Variants in GNB4 observed in about 807,000 individuals in gnomAD.
GNB4 encodes G protein subunit beta 4, also known as guanine nucleotide-binding protein subunit beta-4.
A neutral mutation model predicts 45.2 loss-of-function variants in GNB4; 28 were observed. The observed-to-expected ratio is 0.62, with a 90% CI of 0.46 to 0.85. The LOEUF is 0.85. Among genes scored for constraint, GNB4 ranks in the 40% least tolerant of loss-of-function variants. GNB4 has a pLI of 0.00. For missense variants in GNB4, 321 were observed against 425.4 expected (o/e 0.75, Z 2.16); for synonymous variants, 132 against 143.7 (o/e 0.92, Z 0.58).
chr3:179,416,400 CA>C, intron 5 of GNB4, 92 bp downstream of exon 5: 1 of 691,060 alleles, frequency 1.4e-6, no homozygotes. Flanking sequence ...TCTCAGAAAG[CA>C]ATTTAAGTTT....
chr3:179,409,527 A>G (rs891116945), intron 8 of GNB4, among the ~76,000 whole-genome samples: 164 of 151,384 alleles, frequency 1.1e-3, no homozygotes, highest in Non-Finnish European at 2.0e-3. Flanking sequence ...ACAAAAAAAA[A>G]AAGGCCAGGG....
At chr3:179,517,354 G>A in the GNB4 span, among the ~76,000 whole-genome samples, 1 of 150,672 alleles carries the variant, frequency 6.6e-6, no homozygotes, top group African/African-American at 2.5e-5. Flanking sequence ...CTTATAAAAC[G>A]GCCCCACCCC....
chr3:179,489,019 A>AATATATATATAT, the GNB4 span, among the ~76,000 whole-genome samples: 42 of 21,370 alleles, frequency 2.0e-3, no homozygotes, highest in African/African-American at 7.3e-3. Flanking sequence ...AAAAAAAAAA[A>AATATATATATAT]ATATATATAT....
chr3:179,488,476 C>T, the GNB4 span, among the ~76,000 whole-genome samples: 2 of 152,152 alleles, frequency 1.3e-5, no homozygotes, highest in Admixed American at 1.3e-4. Flanking sequence ...GAAGTACCTG[C>T]TTCCAGCTTC....
At chr3:179,503,353 T>TA in the GNB4 span, among the ~76,000 whole-genome samples, 1 of 152,340 alleles carries the variant, frequency 6.6e-6, no homozygotes, top group East Asian at 1.9e-4. Context: ...ATAATGCAGA[T>TA]ACAGCAAAAT....
intron 1 of GNB4, among the ~76,000 whole-genome samples, chr3:179,440,876 T>TAGAGAGAGAGAGAGAGAGAGAG (rs1358506608): frequency 9.0e-6 from 1 of 110,716 alleles, no homozygotes; most frequent in African/African-American, 4.3e-5. Flanking sequence ...TATATATAGA[T>TAGAGAGAGAGAGAGAGAGAGAG]AGATAGAGAG....
upstream of GNB4, among the ~76,000 whole-genome samples, chr3:179,453,476 C>T (rs1715934614): frequency 6.6e-6 from 1 of 152,080 alleles, no homozygotes; most frequent in Non-Finnish European, 1.5e-5. Context: ...TAGCATTTAC[C>T]AGATGTTATA....
At chr3:179,437,108 A>G (rs894642171) in intron 1 of GNB4, among the ~76,000 whole-genome samples, 41 of 152,152 alleles carry the variant, frequency 2.7e-4, no homozygotes, top group African/African-American at 9.4e-4. Context: ...ACAGGCCCAT[A>G]ATCCATTACC....
At chr3:179,523,180 T>C in the GNB4 span, among the ~76,000 whole-genome samples, 1 of 152,160 alleles carries the variant, frequency 6.6e-6, no homozygotes, top group African/African-American at 2.4e-5. Context: ...CCGGACACTA[T>C]CAGCAGGGAG....
At chr3:179,407,407 C>T (rs1044450635) in intron 8 of GNB4, among the ~76,000 whole-genome samples, 1 of 152,070 alleles carries the variant, frequency 6.6e-6, no homozygotes, top group Non-Finnish European at 1.5e-5. Context: ...TGCAGTGAGC[C>T]GAGATCATGC....
At chr3:179,410,230 CAAGT>C (rs1423090211) in intron 8 of GNB4, 1 of 151,950 alleles carries the variant, frequency 6.6e-6, no homozygotes, top group African/African-American at 2.4e-5. Flanking sequence ...ACTAATACAC[CAAGT>C]AAGCAGTAGA....
chr3:179,492,388 G>A, the GNB4 span, among the ~76,000 whole-genome samples: 11 of 152,280 alleles, frequency 7.2e-5, no homozygotes, highest in African/African-American at 2.6e-4. Flanking sequence ...CTGCTGCTGT[G>A]CTGCATGCCA....
the GNB4 span, among the ~76,000 whole-genome samples, chr3:179,476,949 C>T: frequency 6.6e-6 from 1 of 151,914 alleles, no homozygotes; most frequent in African/African-American, 2.4e-5. Context: ...TTTTCTACTC[C>T]CTCTTGAAGA....
intron 1 of GNB4, among the ~76,000 whole-genome samples, chr3:179,449,301 T>G (rs1715811899): frequency 6.6e-6 from 1 of 152,230 alleles, no homozygotes; most frequent in Admixed American, 6.5e-5. Flanking sequence ...AGGGAGGTTT[T>G]GAACTTGGAA....
the GNB4 span, among the ~76,000 whole-genome samples, chr3:179,525,472 G>C: frequency 6.6e-6 from 1 of 152,090 alleles, no homozygotes; most frequent in Non-Finnish European, 1.5e-5. Context: ...CGGAGAAGGG[G>C]GTGGTGAGCA....
At chr3:179,416,584 G>C (rs768110773) in intron 4 of GNB4, 28 bp from the exon 5 acceptor site, 1 of 1,438,944 alleles carries the variant, frequency 6.9e-7, no homozygotes, top group African/African-American at 1.4e-5. Context: ...AAAATAATTT[G>C]ACACTTAGAG....
intron 1 of GNB4, among the ~76,000 whole-genome samples, chr3:179,428,828 C>T (rs868364831): frequency 2.6e-5 from 4 of 152,128 alleles, no homozygotes; most frequent in African/African-American, 9.7e-5. Flanking sequence ...CTACTGCTGT[C>T]CTTCCCCCAA....
the GNB4 span, among the ~76,000 whole-genome samples, chr3:179,508,932 G>GTGTGTATATATATATATATATATATA: frequency 9.8e-6 from 1 of 102,178 alleles, no homozygotes; most frequent in African/African-American, 4.6e-5. Context: ...TTCAGCATGT[G>GTGTGTATATATATATATATATATATA]TATATATATA....
the GNB4 span, among the ~76,000 whole-genome samples, chr3:179,500,029 T>G: frequency 6.6e-5 from 10 of 152,258 alleles, no homozygotes; most frequent in African/African-American, 2.4e-4. Flanking sequence ...CCATTCTGTA[T>G]GTTTTCTGTT....
Sources: gnomAD v4.1 joint callset for allele counts (sites outside exome capture counted in the v4.1 genomes callset) on GRCh38, gnomAD v4.1.1 for gene constraint, MANE v1.5 for transcripts, NCBI Gene and HGNC (gene_info 2026-07-23, HGNC 2026-07-21) for gene names.